The following SGCD variants were observed in gnomAD, a reference collection of about 807,000 sequenced individuals.
SGCD encodes the protein sarcoglycan delta.
Under a neutral mutation model 36.6 loss-of-function variants are expected in SGCD, and 18 were observed. The ratio of observed to expected loss-of-function variants is 0.49; its 90% CI spans 0.34 to 0.73. The LOEUF (loss-of-function observed/expected upper bound fraction) is 0.73. Among genes scored for constraint, SGCD ranks in the 30% least tolerant of loss-of-function variants. The pLI is 0.01. For missense variants in SGCD, 387 were observed against 346.7 expected (o/e 1.12, Z -0.92); for synonymous variants, 133 against 130.6 (o/e 1.02, Z -0.12).
the SGCD span, among the ~76,000 whole-genome samples, chr5:155,860,501 C>T: frequency 6.6e-6 from 1 of 152,174 alleles, no homozygotes; most frequent in Non-Finnish European, 1.5e-5. Flanking sequence ...GAATTAGCCA[C>T]TGGACAACCA....
At chr5:155,954,709 A>G (rs556600174) in intron 1 of SGCD, among the ~76,000 whole-genome samples, 6 of 152,190 alleles carry the variant, frequency 3.9e-5, no homozygotes, top group Non-Finnish European at 8.8e-5. Flanking sequence ...TTTCCAGAGA[A>G]AGAGAACTAA....
rs79913458 is a variant in SGCD at position 156,713,255 on chromosome 5, C to G, written c.576-44326C>G. Among the ~76,000 whole-genome samples the G allele has an allele frequency of 4.3e-4, 65 of 152,170 alleles. 2 individuals are homozygous for G. In the East Asian group the frequency reaches 0.012, roughly 28 times the overall value. On this transcript the variant is annotated intron_variant, in intron 7 of 8. Coordinates refer to ENST00000337851, the MANE Select transcript of SGCD (RefSeq NM_000337.6). The stretch of plus-strand genomic sequence containing the variant: ...TTTATAAAATAAACTGGCAATAGAC[C>G]AGTTAACAGGAAAGAAGGTATACAT...
the SGCD span, among the ~76,000 whole-genome samples, chr5:155,850,734 C>T: frequency 3.9e-5 from 6 of 152,156 alleles, no homozygotes; most frequent in Non-Finnish European, 8.8e-5. Flanking sequence ...CCTTGTCTTT[C>T]CTTTTGCCTT....
intron 1 of SGCD, among the ~76,000 whole-genome samples, chr5:156,068,593 G>A (rs1018235932): frequency 4.6e-5 from 7 of 151,810 alleles, no homozygotes; most frequent in Admixed American, 6.5e-5. Flanking sequence ...ATGTGTGCAT[G>A]TGCCTTTATA....
intron 1 of SGCD, among the ~76,000 whole-genome samples, chr5:155,910,917 A>G (rs11948388): frequency 0.14 from 21,439 of 152,076 alleles, 2,282 homozygotes; most frequent in Admixed American, 0.35. Context: ...AGGGAGCTGT[A>G]TATCTTCTGC....
At chr5:155,741,658 T>G in the SGCD span, among the ~76,000 whole-genome samples, 256 of 151,440 alleles carry the variant, frequency 1.7e-3, 2 homozygotes, top group African/African-American at 5.7e-3. Context: ...TGGCCTGAAG[T>G]AGGTTTCTTT....
chr5:156,409,462 C>T (rs1772621893), intron 3 of SGCD, among the ~76,000 whole-genome samples: 2 of 152,160 alleles, frequency 1.3e-5, no homozygotes, highest in South Asian at 4.1e-4. Context: ...CTTTGAGTAA[C>T]CCATCACTTT....
intron 3 of SGCD, among the ~76,000 whole-genome samples, chr5:156,461,287 T>C (rs987868374): frequency 6.6e-6 from 1 of 152,150 alleles, no homozygotes; most frequent in African/African-American, 2.4e-5. Context: ...AGATATATAA[T>C]TAGGCTATTT....
chr5:156,537,501 A>ACACACACACACC (rs2113131513), intron 4 of SGCD, among the ~76,000 whole-genome samples: 1 of 149,028 alleles, frequency 6.7e-6, no homozygotes, highest in East Asian at 1.9e-4. Context: ...ACACACACAC[A>ACACACACACACC]CACACAGGTA....
intron 6 of SGCD, among the ~76,000 whole-genome samples, chr5:156,635,821 T>C (rs961792217): frequency 1.5e-5 from 2 of 130,820 alleles, no homozygotes; most frequent in African/African-American, 5.9e-5. Context: ...CACTCATAGA[T>C]GGGAATTGAA....
At chr5:156,366,722 A>C (rs1580880954) in intron 3 of SGCD, among the ~76,000 whole-genome samples, 1 of 152,294 alleles carries the variant, frequency 6.6e-6, no homozygotes, top group East Asian at 1.9e-4. Flanking sequence ...ACCTAGTGTC[A>C]GTTTTCATTG....
intron 7 of SGCD, among the ~76,000 whole-genome samples, chr5:156,720,993 T>C (rs1269167825): frequency 6.6e-6 from 1 of 152,106 alleles, no homozygotes; most frequent in African/African-American, 2.4e-5. Flanking sequence ...GCAGAGATAA[T>C]GGGATTTCCT....
At chr5:156,692,895 T>C (rs1037067164) in intron 7 of SGCD, among the ~76,000 whole-genome samples, 2 of 152,204 alleles carry the variant, frequency 1.3e-5, no homozygotes, top group Admixed American at 6.5e-5. Context: ...CTTGGAAGTA[T>C]GCAAAATCCT....
intron 1 of SGCD, chr5:155,870,448 A>G (rs1172802904): frequency 6.6e-6 from 1 of 152,146 alleles, no homozygotes; most frequent in Non-Finnish European, 1.5e-5. Context: ...TTTTACTTAC[A>G]TTATTTACTG....
intron 7 of SGCD, among the ~76,000 whole-genome samples, chr5:156,720,240 A>G (rs1755428037): frequency 1.3e-5 from 2 of 152,210 alleles, no homozygotes; most frequent in African/African-American, 2.4e-5. Flanking sequence ...AACAGGCCAT[A>G]TAACTAATAA....
intron 3 of SGCD, among the ~76,000 whole-genome samples, chr5:156,251,277 T>C (rs770477250): frequency 6.6e-6 from 1 of 152,132 alleles, no homozygotes; most frequent in Non-Finnish European, 1.5e-5. Context: ...TGCAAAATAA[T>C]TGTTTTTAGA....
At chr5:155,957,415 G>T (rs1012066551) in intron 1 of SGCD, among the ~76,000 whole-genome samples, 1 of 152,036 alleles carries the variant, frequency 6.6e-6, no homozygotes, top group Non-Finnish European at 1.5e-5. Context: ...TATAAAGCCT[G>T]GCTCCCATTC....
chr5:156,095,053 T>A (rs955621950), intron 1 of SGCD, among the ~76,000 whole-genome samples: 1 of 152,200 alleles, frequency 6.6e-6, no homozygotes, highest in East Asian at 1.9e-4. Flanking sequence ...GCACTTGTAC[T>A]GTCTGACCTT....
chr5:156,756,233 A>C (rs1365089513), intron 7 of SGCD, among the ~76,000 whole-genome samples: 3 of 152,212 alleles, frequency 2.0e-5, no homozygotes, highest in Non-Finnish European at 2.9e-5. Flanking sequence ...GAGGATCTTC[A>C]TACATTCCTA....
Sources: allele counts gnomAD v4.1 joint callset (sites outside exome capture counted in the v4.1 genomes callset), GRCh38; gene constraint gnomAD v4.1.1; transcripts MANE v1.5; gene names NCBI Gene and HGNC (gene_info 2026-07-23, HGNC 2026-07-21).